The following MAF variants were observed in gnomAD, a reference collection of about 807,000 sequenced individuals.
The protein encoded by MAF is MAF bZIP transcription factor.
In MAF, 10 loss-of-function variants were observed where a neutral mutation model predicts 22.0. The observed-to-expected ratio is 0.45, with a 90% CI of 0.28 to 0.77. MAF has a LOEUF of 0.77. Among genes scored for constraint, MAF ranks in the 30% least tolerant of loss-of-function variants. MAF has a pLI of 0.12. For missense variants in MAF, 544 were observed against 548.4 expected (o/e 0.99, Z 0.08); for synonymous variants, 337 against 255.8 (o/e 1.32, Z -3.03).
chr16:79,236,803 T>G, the MAF span, among the ~76,000 whole-genome samples: 1 of 151,896 alleles, frequency 6.6e-6, no homozygotes, highest in Non-Finnish European at 1.5e-5. Context: ...TAAAGAAAAG[T>G]GCACGCCATC....
the MAF span, among the ~76,000 whole-genome samples, chr16:79,219,454 G>C: frequency 6.6e-6 from 1 of 151,384 alleles, no homozygotes; most frequent in Non-Finnish European, 1.5e-5. Context: ...CGGAGGCTGA[G>C]GCAGGAGAAT....
the MAF span, among the ~76,000 whole-genome samples, chr16:79,416,912 T>G: frequency 1.1e-4 from 16 of 152,300 alleles, no homozygotes; most frequent in African/African-American, 3.8e-4. Flanking sequence ...ACTCATGAAG[T>G]ATTACAGTGA....
the MAF span, among the ~76,000 whole-genome samples, chr16:79,348,163 G>C: frequency 3.9e-5 from 6 of 152,230 alleles, no homozygotes; most frequent in African/African-American, 1.4e-4. Context: ...CGGCCTCAGA[G>C]GGGGAAAGAA....
At chr16:79,230,135 AG>A in the MAF span, among the ~76,000 whole-genome samples, 1 of 152,148 alleles carries the variant, frequency 6.6e-6, no homozygotes, top group Non-Finnish European at 1.5e-5. Context: ...TCTGTAGGCA[AG>A]CCCTATCTTT....
the MAF span, among the ~76,000 whole-genome samples, chr16:79,518,116 C>A: frequency 6.6e-6 from 1 of 152,186 alleles, no homozygotes; most frequent in Non-Finnish European, 1.5e-5. Flanking sequence ...CTCAACCGTG[C>A]TATGACACAG....
the MAF span, among the ~76,000 whole-genome samples, chr16:79,223,361 C>G: frequency 6.6e-6 from 1 of 152,136 alleles, no homozygotes; most frequent in Non-Finnish European, 1.5e-5. Context: ...ACATTTAAAC[C>G]AGTGTGTAGA....
chr16:79,208,662 C>G, the MAF span, among the ~76,000 whole-genome samples: 1 of 145,782 alleles, frequency 6.9e-6, no homozygotes, highest in Non-Finnish European at 1.5e-5. Context: ...AGAATGCTTT[C>G]TCTTTTATTG....
chr16:79,595,256 A>G, intron 1 of MAF: 1 of 1,047,328 alleles, frequency 9.5e-7, no homozygotes, highest in Non-Finnish European at 1.2e-6. Flanking sequence ...CTAAACTAGC[A>G]CATAAAGGAA....
At chr16:79,519,391 C>T in the MAF span, among the ~76,000 whole-genome samples, 1 of 152,222 alleles carries the variant, frequency 6.6e-6, no homozygotes, top group African/African-American at 2.4e-5. Flanking sequence ...GAGAGAACAT[C>T]TACGGTCTGC....
the MAF span, among the ~76,000 whole-genome samples, chr16:79,302,761 C>G: frequency 6.6e-6 from 1 of 152,230 alleles, no homozygotes; most frequent in Non-Finnish European, 1.5e-5. Context: ...TGCTGTTATT[C>G]AAAACCTGGA....
the MAF span, chr16:79,211,623 A>C: frequency 6.2e-7 from 1 of 1,614,126 alleles, no homozygotes; most frequent in Admixed American, 1.7e-5. Context: ...GGGAGCTGCC[A>C]CCACCGTGTA....
chr16:79,317,844 T>C, the MAF span, among the ~76,000 whole-genome samples: 2 of 152,218 alleles, frequency 1.3e-5, no homozygotes, highest in Admixed American at 6.5e-5. Flanking sequence ...CTGTGTTTTC[T>C]AGCCCCCAGC....
chr16:79,486,297 G>C, the MAF span, among the ~76,000 whole-genome samples: 1 of 152,118 alleles, frequency 6.6e-6, no homozygotes, highest in Non-Finnish European at 1.5e-5. Context: ...GTAAAATAAA[G>C]AAAACCAACT....
At chr16:79,502,488 A>G in the MAF span, among the ~76,000 whole-genome samples, 1 of 151,734 alleles carries the variant, frequency 6.6e-6, no homozygotes, top group African/African-American at 2.4e-5. Flanking sequence ...CAATATGGCT[A>G]AACCCTGTGT....
chr16:79,537,484 C>T, the MAF span, among the ~76,000 whole-genome samples: 1 of 152,178 alleles, frequency 6.6e-6, no homozygotes, highest in East Asian at 1.9e-4. Flanking sequence ...CATTCAAAGC[C>T]ACACAGCTCT....
At chr16:79,223,490 A>G in the MAF span, among the ~76,000 whole-genome samples, 1 of 152,162 alleles carries the variant, frequency 6.6e-6, no homozygotes, top group African/African-American at 2.4e-5. Flanking sequence ...AAAGTTAGCA[A>G]AAGACAAGAA....
At chr16:79,570,324 G>T in the MAF span, among the ~76,000 whole-genome samples, 1 of 151,826 alleles carries the variant, frequency 6.6e-6, no homozygotes, top group Non-Finnish European at 1.5e-5. Context: ...TCAGCTCTTT[G>T]CTGGCCTATC....
chr16:79,337,012 G>A, the MAF span, among the ~76,000 whole-genome samples: 1 of 152,218 alleles, frequency 6.6e-6, no homozygotes, highest in African/African-American at 2.4e-5. Context: ...ATATCCAAAG[G>A]CATCAAATAA....
chr16:79,423,849 C>G, the MAF span, among the ~76,000 whole-genome samples: 1 of 152,132 alleles, frequency 6.6e-6, no homozygotes, highest in Non-Finnish European at 1.5e-5. Flanking sequence ...GATTCATATT[C>G]AATCAAAAAT....
Sources: gnomAD v4.1 joint callset for allele counts (sites outside exome capture counted in the v4.1 genomes callset) on GRCh38, gnomAD v4.1.1 for gene constraint, MANE v1.5 for transcripts, NCBI Gene and HGNC (gene_info 2026-07-23, HGNC 2026-07-21) for gene names.